Variants in PDE3B observed in about 807,000 individuals in gnomAD.
The protein encoded by PDE3B is phosphodiesterase 3B, also known as cGMP-inhibited 3',5'-cyclic phosphodiesterase 3B.
In PDE3B, 66 loss-of-function variants were observed where a neutral mutation model predicts 116.8. The ratio of observed to expected loss-of-function variants is 0.56; its 90% CI spans 0.46 to 0.69. PDE3B has a LOEUF of 0.69. PDE3B is among the 30% of genes least tolerant of loss of function. PDE3B has a pLI of 0.00. For synonymous variants in PDE3B, 595 were observed against 533.6 expected (o/e 1.12, Z -1.59); for missense variants, 1,384 against 1,368.1 (o/e 1.01, Z -0.18).
intron 11 of PDE3B, among the ~76,000 whole-genome samples, chr11:14,841,345 C>A (rs142544039): frequency 0.021 from 3,079 of 145,562 alleles, 35 homozygotes; most frequent in East Asian, 0.028. Flanking sequence ...CTCTCTCTCT[C>A]TCTATATATA....
chr11:14,725,243 TTTTC>T (rs1470900300), intron 1 of PDE3B, among the ~76,000 whole-genome samples: 1 of 151,912 alleles, frequency 6.6e-6, no homozygotes, highest in African/African-American at 2.4e-5. Flanking sequence ...CCAGCAGCTT[TTTTC>T]TTTCTTTCGT....
chr11:14,732,641 A>G (rs950530259), intron 1 of PDE3B, among the ~76,000 whole-genome samples: 1 of 152,230 alleles, frequency 6.6e-6, no homozygotes, highest in African/African-American at 2.4e-5. Flanking sequence ...AATTTAAAAT[A>G]CAGTTGTTCC....
At chr11:14,838,958 A>G (rs573122389) in intron 11 of PDE3B, among the ~76,000 whole-genome samples, 2 of 152,296 alleles carry the variant, frequency 1.3e-5, no homozygotes, top group South Asian at 4.1e-4. Flanking sequence ...CAATGTTAAG[A>G]TGTTGAAATG....
At chr11:14,666,620 G>A (rs902165529) in intron 1 of PDE3B, among the ~76,000 whole-genome samples, 322 of 151,686 alleles carry the variant, frequency 2.1e-3, no homozygotes, top group African/African-American at 6.6e-3. Context: ...ACAAGTGGGT[G>A]AAGGACATGA....
chr11:14,831,922 C>A, intron 9 of PDE3B, 145 bp downstream of exon 9: 1 of 510,852 alleles, frequency 2.0e-6, no homozygotes, highest in Non-Finnish European at 3.5e-6. Context: ...TAAATATATA[C>A]ATAAAACAAT....
chr11:14,658,947 A>G lies in PDE3B; in HGVS notation c.978+13894A>G, dbSNP rs549623961. On this transcript the variant is annotated intron_variant, in intron 1 of 15. Coordinates refer to ENST00000282096, the MANE Select transcript of PDE3B (RefSeq NM_000922.4). ...ATTGAGTTGGATTATTGGATTAAATACTGTTTTTTTAAATCACTTCGCAGG... is the reference window on the plus strand; with the variant it reads ...ATTGAGTTGGATTATTGGATTAAATGCTGTTTTTTTAAATCACTTCGCAGG... 5.3e-5 allele frequency among the ~76,000 whole-genome samples: 8 copies of G among 152,280 alleles called. No homozygotes were observed. The South Asian group carries it at 1.7e-3, about 32-fold the overall frequency.
At chr11:14,785,393 G>A (rs1049978627) in intron 2 of PDE3B, among the ~76,000 whole-genome samples, 12 of 152,086 alleles carry the variant, frequency 7.9e-5, no homozygotes, top group Admixed American at 7.2e-4. Flanking sequence ...AAAAAATTCC[G>A]CAAAGAGCAG....
intron 12 of PDE3B, among the ~76,000 whole-genome samples, chr11:14,844,725 C>T (rs1056631318): frequency 3.3e-5 from 5 of 152,220 alleles, no homozygotes; most frequent in Admixed American, 6.5e-5. Context: ...CACGGAGTCT[C>T]GCTGATTGCT....
At chr11:14,680,782 A>G (rs1854679939) in intron 1 of PDE3B, among the ~76,000 whole-genome samples, 1 of 149,108 alleles carries the variant, frequency 6.7e-6, no homozygotes. Context: ...AATGACTTCA[A>G]AAAAAAAAAA....
At chr11:14,765,060 A>AT (rs991691466) in intron 1 of PDE3B, among the ~76,000 whole-genome samples, 1 of 151,916 alleles carries the variant, frequency 6.6e-6, no homozygotes, top group Non-Finnish European at 1.5e-5. Context: ...AGTTAAGTGG[A>AT]TTTTTTTATT....
At chr11:14,889,986 G>A in the PDE3B span, among the ~76,000 whole-genome samples, 86 of 152,038 alleles carry the variant, frequency 5.7e-4, 1 homozygote, top group African/African-American at 1.9e-3. Context: ...AAAATTAGCC[G>A]GGCGTGGTGG....
intron 4 of PDE3B, among the ~76,000 whole-genome samples, chr11:14,795,453 A>C (rs1048814753): frequency 6.6e-6 from 1 of 152,208 alleles, no homozygotes; most frequent in Non-Finnish European, 1.5e-5. Flanking sequence ...GTATTGATTT[A>C]TGTAATTTCA....
At chr11:14,739,195 G>A (rs1856691300) in intron 1 of PDE3B, among the ~76,000 whole-genome samples, 1 of 152,204 alleles carries the variant, frequency 6.6e-6, no homozygotes, top group Non-Finnish European at 1.5e-5. Flanking sequence ...ACCTTGGACA[G>A]TATGGCCCTT....
At chr11:14,676,720 A>G (rs1854542437) in intron 1 of PDE3B, among the ~76,000 whole-genome samples, 2 of 152,270 alleles carry the variant, frequency 1.3e-5, no homozygotes, top group African/African-American at 4.8e-5. Context: ...ATGTCACTAT[A>G]TTATGGATGT....
chr11:14,648,912 C>T (rs1273321400), intron 1 of PDE3B, among the ~76,000 whole-genome samples: 2 of 151,926 alleles, frequency 1.3e-5, no homozygotes, highest in African/African-American at 4.8e-5. Flanking sequence ...CTTTAAGGAA[C>T]AAATAAGATT....
chr11:14,887,405 T>C, the PDE3B span: 1 of 170,548 alleles, frequency 5.9e-6, no homozygotes, highest in Non-Finnish European at 1.2e-5. Context: ...CTGGAGAAAT[T>C]TTTACTTGAA....
intron 1 of PDE3B, among the ~76,000 whole-genome samples, chr11:14,732,115 G>A (rs562300101): frequency 1.3e-5 from 2 of 152,260 alleles, no homozygotes; most frequent in Admixed American, 6.5e-5. Context: ...AACATTATAG[G>A]TAGAGAGAAG....
At chr11:14,891,813 A>C in the PDE3B span, 1 of 976,162 alleles carries the variant, frequency 1.0e-6, no homozygotes, top group Non-Finnish European at 1.2e-6. Flanking sequence ...GGCGTCGAGG[A>C]CTTCTCCCTT....
intron 5 of PDE3B, among the ~76,000 whole-genome samples, chr11:14,808,953 G>T (rs538780507): frequency 6.6e-6 from 1 of 152,114 alleles, no homozygotes; most frequent in Non-Finnish European, 1.5e-5. Flanking sequence ...CACTAGATTC[G>T]ATACAGTCCT....
Sources: allele counts gnomAD v4.1 joint callset (sites outside exome capture counted in the v4.1 genomes callset), GRCh38; gene constraint gnomAD v4.1.1; transcripts MANE v1.5; gene names NCBI Gene and HGNC (gene_info 2026-07-23, HGNC 2026-07-21).